Variants in ZPBP observed in about 807,000 individuals in gnomAD.
The protein encoded by ZPBP is zona pellucida-binding protein 1.
In ZPBP, 26 loss-of-function variants were observed where a neutral mutation model predicts 44.8. That is an observed-to-expected ratio of 0.58 (90% CI 0.43 to 0.81). The LOEUF (loss-of-function observed/expected upper bound fraction) is 0.81, where lower values mean the gene tolerates loss of function less well. ZPBP is among the 30% of genes least tolerant of loss of function. The pLI, the probability that ZPBP is intolerant of heterozygous loss-of-function variation, is 0.00. For synonymous variants in ZPBP, 174 were observed against 153.2 expected, an observed-to-expected ratio of 1.14 and a Z score of -1.00; for missense variants, 409 against 434.0, an observed-to-expected ratio of 0.94 and a Z score of 0.51.
chr7:49,970,206 A>C (rs1796242359), intron 7 of ZPBP, among the ~76,000 whole-genome samples: 1 of 152,148 alleles, frequency 6.6e-6, no homozygotes, highest in African/African-American at 2.4e-5. Context: ...ATCTCAATAG[A>C]TGTACAGAAA....
At chr7:50,058,315 T>G (rs1801074013) in intron 3 of ZPBP, among the ~76,000 whole-genome samples, 174 bp from the exon 4 acceptor site, 1 of 152,204 alleles carries the variant, frequency 6.6e-6, no homozygotes, top group Non-Finnish European at 1.5e-5. Context: ...CAGGATAACC[T>G]TCTTACTGCC....
At chr7:49,904,004 C>T (rs1306637491) in intron 1 of ZPBP, among the ~76,000 whole-genome samples, 1 of 152,022 alleles carries the variant, frequency 6.6e-6, no homozygotes, top group Non-Finnish European at 1.5e-5. Flanking sequence ...GGCTGGTCAC[C>T]CCACCCTAAT....
intron 7 of ZPBP, chr7:49,943,933 G>T: frequency 3.1e-6 from 1 of 325,752 alleles, no homozygotes; most frequent in Non-Finnish European, 6.0e-6. Context: ...GCTCTCAGTG[G>T]ACATTTCAGC....
At chr7:49,962,067 T>G (rs1383346393) in intron 7 of ZPBP, among the ~76,000 whole-genome samples, 1 of 151,934 alleles carries the variant, frequency 6.6e-6, no homozygotes. Context: ...CAATGAAGAA[T>G]TAAATATTTG....
intron 7 of ZPBP, among the ~76,000 whole-genome samples, chr7:49,969,532 A>T (rs2128768949): frequency 6.6e-6 from 1 of 151,048 alleles, no homozygotes; most frequent in African/African-American, 2.4e-5. Flanking sequence ...ACACATAAGA[A>T]TGAAATTATT....
intron 4 of ZPBP, among the ~76,000 whole-genome samples, chr7:50,034,183 GTT>G (rs532541672): frequency 2.8e-5 from 4 of 143,878 alleles, no homozygotes; most frequent in South Asian, 2.2e-4. Context: ...GTTTTTGAGG[GTT>G]TTTTTTTTTT....
intron 2 of ZPBP, among the ~76,000 whole-genome samples, chr7:49,889,662 C>T (rs1420976356): frequency 6.6e-6 from 1 of 152,168 alleles, no homozygotes; most frequent in African/African-American, 2.4e-5. Flanking sequence ...TAAGTTTGCC[C>T]TAGGAGCTCC....
intron 4 of ZPBP, among the ~76,000 whole-genome samples, chr7:50,042,012 G>T (rs1185322296): frequency 1.3e-5 from 2 of 152,022 alleles, no homozygotes; most frequent in Non-Finnish European, 2.9e-5. Context: ...CACAGCATGA[G>T]AACTTCAAGA....
intron 1 of ZPBP, among the ~76,000 whole-genome samples, chr7:49,909,475 T>C (rs1310313873): frequency 6.6e-6 from 1 of 152,090 alleles, no homozygotes; most frequent in South Asian, 2.1e-4. Flanking sequence ...GGCAGCAAAC[T>C]GTGGAGGCCA....
chr7:50,032,946 C>T (rs1799668063), intron 4 of ZPBP, among the ~76,000 whole-genome samples: 1 of 152,142 alleles, frequency 6.6e-6, no homozygotes, highest in Admixed American at 6.5e-5. Flanking sequence ...ATTTGAGTAA[C>T]TCCAATTTTA....
intron 4 of ZPBP, among the ~76,000 whole-genome samples, chr7:50,057,223 A>T (rs573139040): frequency 1.3e-5 from 2 of 151,896 alleles, no homozygotes; most frequent in African/African-American, 4.8e-5. Context: ...TAATAAGCAC[A>T]TCCCTTTCCT....
Position 50,051,605 on chromosome 7 carries a change from T to C in ZPBP, c.487+6384A>G, listed in dbSNP as rs373497777. On this transcript the variant is annotated intron_variant, in intron 4 of 7. Coordinates refer to ENST00000046087, the MANE Select transcript of ZPBP (RefSeq NM_007009.3). Reference sequence around the variant, plus strand: ...CTGGATAAAGAAAATGTGATACACATACACCATGAAATACTATGCAGCCAT... The same window carrying C: ...CTGGATAAAGAAAATGTGATACACACACACCATGAAATACTATGCAGCCAT... Among the ~76,000 whole-genome samples, 5 of 152,070 alleles carry C rather than the reference T, an allele frequency of 3.3e-5. No individual in the cohort carries two copies. In the East Asian group the frequency reaches 9.6e-4, roughly 29 times the overall value.
At chr7:49,840,656 C>T in the ZPBP span, among the ~76,000 whole-genome samples, 3 of 152,070 alleles carry the variant, frequency 2.0e-5, no homozygotes, top group Admixed American at 2.0e-4. Flanking sequence ...ATTTTTTCTT[C>T]CCATATTACT....
intron 2 of ZPBP, among the ~76,000 whole-genome samples, chr7:49,896,044 G>A (rs557257514): frequency 9.2e-4 from 140 of 152,226 alleles, no homozygotes; most frequent in South Asian, 1.2e-3. Context: ...AACGTTTAAT[G>A]AAAAAGAAAG....
chr7:49,895,319 C>T (rs1375077962), intron 2 of ZPBP, among the ~76,000 whole-genome samples: 1 of 152,186 alleles, frequency 6.6e-6, no homozygotes, highest in East Asian at 1.9e-4. Flanking sequence ...AAGGCTTCAC[C>T]TCTTAATACT....
chr7:50,029,223 T>G (rs138163752), intron 5 of ZPBP, among the ~76,000 whole-genome samples: 1 of 152,260 alleles, frequency 6.6e-6, no homozygotes, highest in East Asian at 1.9e-4. Flanking sequence ...GCCAAGACCA[T>G]TCAGTGTGGA....
At chr7:49,925,183 A>G (rs771835044) in intron 1 of ZPBP, among the ~76,000 whole-genome samples, 35 of 152,124 alleles carry the variant, frequency 2.3e-4, no homozygotes, top group Non-Finnish European at 1.3e-4. Flanking sequence ...GCAGGATTAC[A>G]TGAGTGGGCA....
At chr7:49,997,754 G>A (rs1260078266) in intron 6 of ZPBP, among the ~76,000 whole-genome samples, 1 of 152,150 alleles carries the variant, frequency 6.6e-6, no homozygotes, top group Non-Finnish European at 1.5e-5. Flanking sequence ...GGCTGAACAA[G>A]CCACTTTTCA....
chr7:50,009,721 G>T (rs1273769986), intron 6 of ZPBP, among the ~76,000 whole-genome samples: 1 of 151,782 alleles, frequency 6.6e-6, no homozygotes, highest in African/African-American at 2.4e-5. Flanking sequence ...AATTGTGATA[G>T]AAAATCCCAA....
Sources: allele counts gnomAD v4.1 joint callset (sites outside exome capture counted in the v4.1 genomes callset), GRCh38; gene constraint gnomAD v4.1.1; transcripts MANE v1.5; gene names NCBI Gene and HGNC (gene_info 2026-07-23, HGNC 2026-07-21).